CDC25C: variants seen among roughly 807,000 people sequenced by gnomAD.
CDC25C encodes the protein M-phase inducer phosphatase 3.
In CDC25C, 48 loss-of-function variants were observed where a neutral mutation model predicts 52.5. The observed-to-expected ratio is 0.91, with a 90% CI of 0.72 to 1.16. The LOEUF (loss-of-function observed/expected upper bound fraction) is 1.16. Among genes scored for constraint, CDC25C ranks in the 50% most tolerant of loss-of-function variants. The probability of loss-of-function intolerance (pLI) is 0.00; values close to 1 mark genes in which losing one functional copy is unlikely to be tolerated. For synonymous variants in CDC25C, 187 were observed against 206.5 expected (o/e 0.91, Z 0.81); for missense variants, 510 against 566.1 (o/e 0.90, Z 1.01).
chr5:138,308,183 C>A (rs933129975), intron 7 of CDC25C, among the ~76,000 whole-genome samples: 1 of 152,106 alleles, frequency 6.6e-6, no homozygotes, highest in Non-Finnish European at 1.5e-5. Context: ...AAAACCTGTT[C>A]CAGAATATTT....
chr5:138,293,214 C>CA (rs1756896735), intron 7 of CDC25C, among the ~76,000 whole-genome samples: 1 of 152,208 alleles, frequency 6.6e-6, no homozygotes, highest in Non-Finnish European at 1.5e-5. Flanking sequence ...CCCTACCCCC[C>CA]AGACACTGAT....
chr5:138,317,394 T>G (rs1252109144), intron 7 of CDC25C, among the ~76,000 whole-genome samples: 1 of 152,118 alleles, frequency 6.6e-6, no homozygotes, highest in African/African-American at 2.4e-5. Flanking sequence ...AAATGCTAAA[T>G]GTAGGCCAGG....
intron 3 of CDC25C, chr5:138,328,991 A>G (rs6596430): frequency 0.79 from 124,862 of 157,958 alleles, 49,749 homozygotes; most frequent in East Asian, 0.91. Context: ...TGCAACCTCC[A>G]CCTCCCGGGT....
At chr5:138,294,218 G>A (rs1167217815) in intron 7 of CDC25C, among the ~76,000 whole-genome samples, 8 of 149,660 alleles carry the variant, frequency 5.3e-5, no homozygotes, top group Non-Finnish European at 8.9e-5. Context: ...TTGAGATGGA[G>A]TCTAGCTCTG....
In CDC25C at chr5:138,287,189, A is replaced by G; in HGVS notation, c.1006T>C (p.Tyr336His). 1 of 1,613,412 alleles carries G rather than the reference A, an allele frequency of 6.2e-7. No homozygotes were observed. The highest frequency in any genetic ancestry group is 8.5e-7 in the Non-Finnish European group (1 of 1,179,506). ...CTCACCTGGATGTGTCCTCCCAGAT[A>G]CTCATATGGATAGCGACAATCAATG... is the stretch of plus-strand genomic sequence containing the variant. ...YVIDCRYPYE[Y>H]LGGHIQGALN... Residue 336 changes from tyrosine (Y) to histidine (H), a missense_variant, in exon 11 of 14, where the codon TAT becomes CAT. Transcript: ENST00000323760.
intron 1 of CDC25C, chr5:138,336,936 C>G (rs1344917422): frequency 2.6e-5 from 4 of 152,208 alleles, no homozygotes; most frequent in African/African-American, 9.7e-5. Context: ...ACCCCCGCCA[C>G]TGGCTCTACT....
chr5:138,303,128 GA>G (rs1261301993), intron 7 of CDC25C, among the ~76,000 whole-genome samples: 1 of 152,104 alleles, frequency 6.6e-6, no homozygotes, highest in African/African-American at 2.4e-5. Context: ...GGCAAACTAG[GA>G]AATAGAAGGG....
chr5:138,332,433 T>C (rs2126858384), upstream of CDC25C, among the ~76,000 whole-genome samples: 1 of 152,260 alleles, frequency 6.6e-6, no homozygotes, highest in South Asian at 2.1e-4. Context: ...TCTCAGAGAC[T>C]CTAGCTCACG....
At chr5:138,309,235 A>C (rs1015902470) in intron 7 of CDC25C, among the ~76,000 whole-genome samples, 59 of 152,144 alleles carry the variant, frequency 3.9e-4, no homozygotes, top group African/African-American at 1.3e-3. Flanking sequence ...AAAAAAAAAA[A>C]AAAACATAAA....
At chr5:138,312,267 G>A (rs1758511107) in intron 7 of CDC25C, among the ~76,000 whole-genome samples, 1 of 152,192 alleles carries the variant, frequency 6.6e-6, no homozygotes, top group Non-Finnish European at 1.5e-5. Flanking sequence ...TCACTTGGGA[G>A]GCTGAGAAGG....
intron 7 of CDC25C, among the ~76,000 whole-genome samples, chr5:138,292,739 A>G (rs1303228907): frequency 6.6e-6 from 1 of 152,244 alleles, no homozygotes; most frequent in Non-Finnish European, 1.5e-5. Context: ...AGAATTGCTT[A>G]CACAGGAACA....
At chr5:138,312,203 C>T (rs1279636855) in intron 7 of CDC25C, among the ~76,000 whole-genome samples, 1 of 152,064 alleles carries the variant, frequency 6.6e-6, no homozygotes, top group African/African-American at 2.4e-5. Context: ...TGGGTATATA[C>T]CCTAAAGAAC....
chr5:138,337,982 G>A, exon 1 of CDC25C: 3 of 1,289,754 alleles, frequency 2.3e-6, no homozygotes, highest in Non-Finnish European at 3.0e-6. Flanking sequence ...CTCCCCCGCG[G>A]GTTTCAAGAT....
intron 7 of CDC25C, among the ~76,000 whole-genome samples, chr5:138,318,250 T>C (rs538631007): frequency 2.6e-5 from 4 of 152,118 alleles, no homozygotes; most frequent in African/African-American, 7.2e-5. Flanking sequence ...GAGACGGAGG[T>C]TGCAGTGAGC....
chr5:138,326,542 C>T (rs941037409), intron 4 of CDC25C, among the ~76,000 whole-genome samples: 1 of 152,058 alleles, frequency 6.6e-6, no homozygotes, highest in South Asian at 2.1e-4. Flanking sequence ...GGGGTTTCAC[C>T]GTGTTAGCCA....
chr5:138,337,013 A>G (rs1760748963), intron 1 of CDC25C: 1 of 152,238 alleles, frequency 6.6e-6, no homozygotes, highest in Non-Finnish European at 1.5e-5. Flanking sequence ...TACAGAAAAC[A>G]GATGTCTTTC....
chr5:138,316,803 T>G (rs534411289), intron 7 of CDC25C, among the ~76,000 whole-genome samples: 1 of 152,148 alleles, frequency 6.6e-6, no homozygotes, highest in South Asian at 2.1e-4. Context: ...TCCTCTCTGC[T>G]GAGAGCTGAA....
At position 138,286,650 on chromosome 5, in the gene CDC25C, G is replaced by C. The variant is rs367857039; in HGVS notation, c.1027-20C>G. 8 of 1,602,926 alleles carry C rather than the reference G, an allele frequency of 5.0e-6. No individual in the cohort carries two copies. The highest frequency in any genetic ancestry group is 6.8e-6 in the Non-Finnish European group (8 of 1,173,910). Reference sequence around the variant, plus strand: ...GGCTCCCTGTAGAAGAAGAATTTTAGTAAGTATTTCCTCAGGGGCTTATAG... The same window carrying C: ...GGCTCCCTGTAGAAGAAGAATTTTACTAAGTATTTCCTCAGGGGCTTATAG... On this transcript the variant is annotated intron_variant, in intron 11 of 13. Transcript: ENST00000323760.
Position 138,286,042 on chromosome 5 carries a change from CT to C in CDC25C, c.1251del (p.Asp418ThrfsTer28). On this transcript the variant is annotated frameshift_variant, in exon 13 of 14. Coordinates refer to ENST00000323760, the MANE Select transcript of CDC25C (RefSeq NM_001790.5). LOFTEE classifies it high-confidence loss of function. Reference sequence around the variant, plus strand: ...TTTACCATATATTCTGGAAAGAAGTCTCTGTAGCCGCCTTTAAGGATATATA... The same window carrying C: ...TTTACCATATATTCTGGAAAGAAGTCCTGTAGCCGCCTTTAAGGATATATA... ...PELYILKGGY[R>X]DFFPEYMELC... is the part of the protein sequence containing the mutation. 4 of 1,613,516 alleles carry C rather than the reference CT, an allele frequency of 2.5e-6. No individual in the cohort carries two copies. The South Asian group carries it at 4.4e-5, about 18-fold the overall frequency.
Sources: gnomAD v4.1 joint callset for allele counts (sites outside exome capture counted in the v4.1 genomes callset) on GRCh38, gnomAD v4.1.1 for gene constraint, MANE v1.5 for transcripts, NCBI Gene and HGNC (gene_info 2026-07-23, HGNC 2026-07-21) for gene names.